Variants in IQCH observed in about 807,000 individuals in gnomAD.
The protein encoded by IQCH is IQ motif containing H, also known as IQ domain-containing protein H.
In IQCH, 98 loss-of-function variants were observed where a neutral mutation model predicts 117.0. The ratio of observed to expected loss-of-function variants is 0.84; its 90% CI spans 0.71 to 0.99. IQCH has a LOEUF of 0.99. Ranked by LOEUF, IQCH falls within the 50% of genes least tolerant of loss-of-function variation. The pLI, the probability that IQCH is intolerant of heterozygous loss-of-function variation, is 0.00. For missense variants in IQCH, 1,102 were observed against 1,243.8 expected (o/e 0.89, Z 1.72); for synonymous variants, 412 against 448.2 (o/e 0.92, Z 1.02).
chr15:67,420,131 A>C (rs1047614306), intron 15 of IQCH, among the ~76,000 whole-genome samples: 5 of 152,254 alleles, frequency 3.3e-5, no homozygotes, highest in Non-Finnish European at 7.3e-5. Context: ...TGTCTCAAAC[A>C]AACCAAATAG....
chr15:67,424,515 T>C lies in IQCH; in HGVS notation c.2505+2938T>C, dbSNP rs1007365917. Among the ~76,000 whole-genome samples the C allele has an allele frequency of 2.6e-5, 4 of 152,238 alleles. No homozygotes were observed. Among genetic ancestry groups the C allele is most frequent in the African/African-American group, 9.6e-5 (4 of 41,464 alleles). On this transcript the variant is annotated intron_variant, in intron 16 of 20. Transcript: ENST00000335894. This position sits in a 1 kb window ranked among gnomAD's most constrained non-coding sequence, Gnocchi z 4.9. ...GCTCTTTTAAGCGATGTGCTGTGTT[T>C]CTTTTTGCTCCCCCACTGTATTCTC...
intron 15 of IQCH, among the ~76,000 whole-genome samples, chr15:67,420,467 A>G (rs557451209): frequency 6.6e-6 from 1 of 152,210 alleles, no homozygotes; most frequent in Non-Finnish European, 1.5e-5. Context: ...TAAATTATTT[A>G]ACTCTTTACA....
At chr15:67,255,227 C>G (rs1965104273) in intron 1 of IQCH, 3 of 520,480 alleles carry the variant, frequency 5.8e-6, no homozygotes, top group Admixed American at 3.2e-5. Context: ...AAAAATTAAC[C>G]TCACGCTGAG....
At chr15:67,263,526 C>A (rs994171091) in intron 3 of IQCH, among the ~76,000 whole-genome samples, 1 of 152,106 alleles carries the variant, frequency 6.6e-6, no homozygotes, top group Non-Finnish European at 1.5e-5. Context: ...ATTTGGACTT[C>A]AATGAAGTGA....
chr15:67,494,129 T>C lies in IQCH; in HGVS notation c.2862-129T>C, dbSNP rs1178500039. ...CTCATCTTTCATATCTCCCTGAAGA[T>C]TGCCACCTTGTGAGATTGAAAATAC... On this transcript the variant is annotated intron_variant, in intron 19 of 20. Coordinates refer to ENST00000335894, the MANE Select transcript of IQCH (RefSeq NM_001031715.3). The surrounding 1 kb of genome is among the most constrained non-coding windows in gnomAD (Gnocchi z 5.5). The C allele has an allele frequency of 1.2e-5, 7 of 576,184 alleles. No homozygotes were observed. Among genetic ancestry groups the C allele is most frequent in the Admixed American group, 1.1e-4 (3 of 27,736 alleles). The allele number at this position is 576,184 out of a possible 1,614,324, so 35.7% of individuals were successfully genotyped here.
At chr15:67,397,452 C>A (rs574148628) in intron 13 of IQCH, among the ~76,000 whole-genome samples, 1 of 152,308 alleles carries the variant, frequency 6.6e-6, no homozygotes, top group South Asian at 2.1e-4. Flanking sequence ...TCACTGAGTT[C>A]TACTCTACTT....
In IQCH at chr15:67,381,973, CCCTGTCA is replaced by C. The variant is rs1970946302; in HGVS notation, c.1373-2962_1373-2956del. On this transcript the variant is annotated intron_variant, in intron 10 of 20. Coordinates refer to ENST00000335894, the MANE Select transcript of IQCH (RefSeq NM_001031715.3). This position sits in a 1 kb window ranked among gnomAD's most constrained non-coding sequence, Gnocchi z 5.1. ...TGCCAGCCTGGGCAACAGAGTGATA[CCCTGTCA>C]AAAAAAAAAAAAGAATTAAAAGATT... is the stretch of plus-strand genomic sequence containing the variant. 8.1e-6 allele frequency among the ~76,000 whole-genome samples: 1 copy of C among 122,910 alleles called. No individual in the cohort carries two copies. Among genetic ancestry groups the C allele is most frequent in the Admixed American group, 9.8e-5 (1 of 10,210 alleles). 80.6% of individuals were successfully genotyped at this position (122,910 alleles called of 152,430 possible).
Position 67,491,395 on chromosome 15 carries a change from G to C in IQCH, c.2861+1331G>C, listed in dbSNP as rs560439271. On this transcript the variant is annotated intron_variant, in intron 19 of 20. Transcript: ENST00000335894. This position sits in a 1 kb window ranked among gnomAD's most constrained non-coding sequence, Gnocchi z 4.9. The stretch of plus-strand genomic sequence containing the variant: ...CCCTCATCGATCCTTTTGAACTTAG[G>C]CAAATGTTCTGGTTTCTTCTCCCTT... Among the ~76,000 whole-genome samples the C allele has an allele frequency of 1.8e-4, 28 of 152,040 alleles. No homozygotes were observed. The highest frequency in any genetic ancestry group is 1.3e-4 in the Non-Finnish European group (9 of 68,006).
Position 67,475,931 on chromosome 15 carries a change from G to C in IQCH, c.2799+113G>C, listed in dbSNP as rs868004537. 3.2e-6 allele frequency: 3 copies of C among 930,876 alleles called. No homozygotes were observed. Among genetic ancestry groups the C allele is most frequent in the Non-Finnish European group, 4.9e-6 (3 of 608,980 alleles). 57.7% of individuals were successfully genotyped at this position (930,876 alleles called of 1,614,324 possible). A position where few individuals can be genotyped will look rare whatever the true frequency, so the allele number is the denominator to read the frequency against. Reference sequence around the variant, plus strand: ...GATATTCTTTAAATACCGGTTTGACGTGTCTGTAGAGGAAGGCTGATTGCT... The same window carrying C: ...GATATTCTTTAAATACCGGTTTGACCTGTCTGTAGAGGAAGGCTGATTGCT... On this transcript the variant is annotated intron_variant, in intron 18 of 20. Coordinates refer to ENST00000335894, the MANE Select transcript of IQCH (RefSeq NM_001031715.3). This position sits in a 1 kb window ranked among gnomAD's most constrained non-coding sequence, Gnocchi z 5.7.
chr15:67,400,004 G>A (rs1407188467), intron 13 of IQCH, 110 bp from the exon 14 acceptor site: 3 of 766,444 alleles, frequency 3.9e-6, no homozygotes, highest in African/African-American at 1.7e-5. Flanking sequence ...CAAATGAACA[G>A]ACCATTAGAA....
chr15:67,295,955 C>T (rs1966849871), intron 4 of IQCH, among the ~76,000 whole-genome samples: 1 of 152,192 alleles, frequency 6.6e-6, no homozygotes, highest in Non-Finnish European at 1.5e-5. Flanking sequence ...CTCAGAGAGG[C>T]TGTTCTTGAC....
rs552893574 is a variant in IQCH at position 67,453,629 on chromosome 15, G to A, written c.2506-11498G>A. ...ACCCGGCCATGTAAGGTGTCAGTCC[G>A]CCCCTACTGGGGGGTGCCTCCCAGT... On this transcript the variant is annotated intron_variant, in intron 16 of 20. Transcript: ENST00000335894. This position sits in a 1 kb window ranked among gnomAD's most constrained non-coding sequence, Gnocchi z 5.8. 2.6e-5 allele frequency among the ~76,000 whole-genome samples: 4 copies of A among 152,144 alleles called. No homozygotes were observed. The highest frequency in any genetic ancestry group is 4.4e-5 in the Non-Finnish European group (3 of 68,014).
Position 67,359,807 on chromosome 15 carries a change from A to T in IQCH, c.715-40A>T, listed in dbSNP as rs772490661. 5 of 1,545,346 alleles carry T rather than the reference A, an allele frequency of 3.2e-6. No homozygotes were observed. In the African/African-American group the frequency reaches 5.4e-5, roughly 17 times the overall value. On this transcript the variant is annotated intron_variant, in intron 7 of 20. Coordinates refer to ENST00000335894, the MANE Select transcript of IQCH (RefSeq NM_001031715.3). The surrounding 1 kb of genome is among the most constrained non-coding windows in gnomAD (Gnocchi z 4.5). The stretch of plus-strand genomic sequence containing the variant: ...TTTGTTTTGTAAAATTGCCCATGAG[A>T]GTCGTTTTGATTTAAACTGTGTCTC...
intron 4 of IQCH, among the ~76,000 whole-genome samples, chr15:67,329,821 T>C (rs1436122469): frequency 2.7e-5 from 4 of 148,844 alleles, no homozygotes; most frequent in African/African-American, 7.4e-5. Flanking sequence ...GAGTGAATTA[T>C]ACACACACAC....
In IQCH at chr15:67,463,617, A is replaced by T. The variant is rs1282537416; in HGVS notation, c.2506-1510A>T. The stretch of plus-strand genomic sequence containing the variant: ...GATCTGAGATATTTATGATTCACCC[A>T]GCTTCATAAAAACTGCAGGTACTTG... On this transcript the variant is annotated intron_variant, in intron 16 of 20. Coordinates refer to ENST00000335894, the MANE Select transcript of IQCH (RefSeq NM_001031715.3). The surrounding 1 kb of genome is among the most constrained non-coding windows in gnomAD (Gnocchi z 4.0). Among the ~76,000 whole-genome samples, 2 of 152,046 alleles carry T rather than the reference A, an allele frequency of 1.3e-5. No homozygotes were observed. Among genetic ancestry groups the T allele is most frequent in the Non-Finnish European group, 2.9e-5 (2 of 67,990 alleles).
At chr15:67,471,834 G>A (rs1475311484) in intron 17 of IQCH, among the ~76,000 whole-genome samples, 2 of 152,190 alleles carry the variant, frequency 1.3e-5, no homozygotes, top group Non-Finnish European at 2.9e-5. Flanking sequence ...GTTTCTTCCT[G>A]TAGAAACTGT....
chr15:67,409,399 G>C (rs998721213), intron 14 of IQCH, among the ~76,000 whole-genome samples: 4 of 152,174 alleles, frequency 2.6e-5, no homozygotes, highest in Non-Finnish European at 5.9e-5. Context: ...TTTAAGTGCT[G>C]GAAAGTTGAA....
rs528338530 is a variant in IQCH, at chr15:67,476,666, C to T, written c.2799+848C>T. ...CTGACTAGAGGCAAGTGCAATGCAA[C>T]GTCTCCTGCCAAAAATAGAACCTCT... On this transcript the variant is annotated intron_variant, in intron 18 of 20. Coordinates refer to ENST00000335894, the MANE Select transcript of IQCH (RefSeq NM_001031715.3). This position sits in a 1 kb window ranked among gnomAD's most constrained non-coding sequence, Gnocchi z 4.1. 2.8e-4 allele frequency among the ~76,000 whole-genome samples: 42 copies of T among 152,194 alleles called. No homozygotes were observed. The highest frequency in any genetic ancestry group is 5.3e-4 in the Non-Finnish European group (36 of 68,036).
chr15:67,382,406 T>C (rs542521297), intron 10 of IQCH, among the ~76,000 whole-genome samples: 10 of 152,238 alleles, frequency 6.6e-5, no homozygotes, highest in Non-Finnish European at 1.0e-4. Context: ...GGTCAGTTGA[T>C]AGCAACCTTA....
Sources: allele counts gnomAD v4.1 joint callset (sites outside exome capture counted in the v4.1 genomes callset), GRCh38; gene constraint gnomAD v4.1.1; non-coding constraint Gnocchi (gnomAD v3.1); transcripts MANE v1.5; gene names NCBI Gene and HGNC (gene_info 2026-07-23, HGNC 2026-07-21).